The following RAB10 variants were observed in gnomAD, a reference collection of about 807,000 sequenced individuals.
The protein encoded by RAB10 is RAB10, member RAS oncogene family.
In RAB10, 5 loss-of-function variants were observed where a neutral mutation model predicts 25.7. That is an observed-to-expected ratio of 0.19 (90% CI 0.10 to 0.41). The LOEUF is 0.41. RAB10 is among the 10% of genes least tolerant of loss of function. RAB10 has a pLI of 1.00. For missense variants in RAB10, 103 were observed against 245.8 expected (o/e 0.42, Z 3.89); for synonymous variants, 89 against 86.4 (o/e 1.03, Z -0.16).
chr2:26,060,240 C>G (rs975961437), intron 1 of RAB10, among the ~76,000 whole-genome samples: 1 of 152,116 alleles, frequency 6.6e-6, no homozygotes, highest in African/African-American at 2.4e-5. Context: ...GCTTTTATAT[C>G]TATTACTCTT....
chr2:26,069,644 C>T (rs993443976), intron 1 of RAB10, among the ~76,000 whole-genome samples: 14 of 151,504 alleles, frequency 9.2e-5, no homozygotes, highest in African/African-American at 2.2e-4. Flanking sequence ...CCAGTCTGGG[C>T]GGCAGAGCGA....
chr2:26,130,181 T>G (rs1667984655), intron 5 of RAB10, among the ~76,000 whole-genome samples: 1 of 152,218 alleles, frequency 6.6e-6, no homozygotes, highest in African/African-American at 2.4e-5. Flanking sequence ...AAGAATAGTC[T>G]TTCACAATTG....
intron 1 of RAB10, chr2:26,042,817 C>G (rs1665920387): frequency 6.6e-6 from 1 of 151,526 alleles, no homozygotes. Flanking sequence ...GGTATTTCTC[C>G]AAAGAAGCTA....
chr2:26,049,018 T>C (rs1258658621), intron 1 of RAB10, among the ~76,000 whole-genome samples: 1 of 152,194 alleles, frequency 6.6e-6, no homozygotes, highest in Non-Finnish European at 1.5e-5. Context: ...ATCATGCTTT[T>C]GGACTTTCCT....
At chr2:26,064,365 T>C (rs1666469906) in intron 1 of RAB10, among the ~76,000 whole-genome samples, 2 of 152,186 alleles carry the variant, frequency 1.3e-5, no homozygotes, top group African/African-American at 4.8e-5. Context: ...GGGGTCTCAT[T>C]CTGCCACCCA....
chr2:26,131,238 A>G (rs1668007499), intron 5 of RAB10, among the ~76,000 whole-genome samples: 1 of 152,138 alleles, frequency 6.6e-6, no homozygotes, highest in South Asian at 2.1e-4. Flanking sequence ...TGGACCACAT[A>G]TAAAATACAC....
Position 26,044,745 on chromosome 2 carries a change from C to G in RAB10, c.127+10010C>G, listed in dbSNP as rs544776224. Among the ~76,000 whole-genome samples, 8 of 152,000 alleles carry G rather than the reference C, an allele frequency of 5.3e-5. No homozygotes were observed. In the South Asian group the frequency reaches 1.5e-3, roughly 28 times the overall value. Reference sequence around the variant, plus strand: ...ATTTTTAGCAGAGACAGGGTTTCGCCCTGTTGACCAGGCTGGTCTCAAACT... The same window carrying G: ...ATTTTTAGCAGAGACAGGGTTTCGCGCTGTTGACCAGGCTGGTCTCAAACT... On this transcript the variant is annotated intron_variant, in intron 1 of 5. Transcript: ENST00000264710.
chr2:26,043,422 C>T (rs1001481092), intron 1 of RAB10, among the ~76,000 whole-genome samples: 1 of 152,064 alleles, frequency 6.6e-6, no homozygotes, highest in Non-Finnish European at 1.5e-5. Flanking sequence ...GACCCTGTCT[C>T]AAAACAAACA....
At chr2:26,041,471 A>G (rs1292402627) in intron 1 of RAB10, among the ~76,000 whole-genome samples, 3 of 131,118 alleles carry the variant, frequency 2.3e-5, no homozygotes, top group African/African-American at 8.9e-5. Flanking sequence ...TAAACCCGGG[A>G]GGCGGAGGTT....
intron 1 of RAB10, among the ~76,000 whole-genome samples, chr2:26,047,157 A>G (rs985538516): frequency 2.0e-5 from 3 of 152,170 alleles, no homozygotes; most frequent in African/African-American, 7.2e-5. Context: ...CCACCACCAT[A>G]GTCAATATAC....
upstream of RAB10, among the ~76,000 whole-genome samples, chr2:26,033,516 C>A (rs1036889040): frequency 8.5e-5 from 13 of 152,266 alleles, no homozygotes; most frequent in African/African-American, 1.2e-4. Context: ...CCCGTCAGGG[C>A]TGGCCCTGGA....
chr2:26,075,553 A>T (rs1047747764), intron 1 of RAB10, among the ~76,000 whole-genome samples: 1 of 152,216 alleles, frequency 6.6e-6, no homozygotes, highest in Non-Finnish European at 1.5e-5. Flanking sequence ...AAAATTTTTT[A>T]AAAGGAAAAC....
In RAB10 at chr2:26,074,925, C is replaced by CAT. The variant is rs758331629; in HGVS notation, c.128-23733_128-23732dup. ...TGTAAAATGCTTGGAACGGGTCTGG[C>CAT]ATATAGTAAGCACTATAAATGTTAA... On this transcript the variant is annotated intron_variant, in intron 1 of 5. Coordinates refer to ENST00000264710, the MANE Select transcript of RAB10 (RefSeq NM_016131.5). Among the ~76,000 whole-genome samples the CAT allele has an allele frequency of 1.7e-4, 26 of 152,274 alleles. 1 individual carries two copies. In the East Asian group the frequency reaches 4.8e-3, roughly 28 times the overall value.
At chr2:26,051,615 G>A (rs1315852417) in intron 1 of RAB10, among the ~76,000 whole-genome samples, 1 of 150,948 alleles carries the variant, frequency 6.6e-6, no homozygotes, top group African/African-American at 2.4e-5. Flanking sequence ...AAAGCCGGAC[G>A]TGGTGGTGAG....
intron 2 of RAB10, among the ~76,000 whole-genome samples, chr2:26,103,379 AAT>A (rs942146975): frequency 3.3e-5 from 5 of 152,214 alleles, no homozygotes; most frequent in Non-Finnish European, 7.3e-5. Context: ...CAAACTTACG[AAT>A]TTAAAAATGG....
intron 3 of RAB10, among the ~76,000 whole-genome samples, chr2:26,116,648 C>A (rs2149286210): frequency 7.1e-6 from 1 of 140,136 alleles, no homozygotes; most frequent in South Asian, 2.3e-4. Flanking sequence ...GCTCTGCTTC[C>A]TGGGTTCACA....
rs542191827 is a variant in RAB10, at chr2:26,056,698, A to T, written c.127+21963A>T. On this transcript the variant is annotated intron_variant, in intron 1 of 5. Transcript: ENST00000264710. ...GCTAGAGTGTAGTGGTGTGATCATA[A>T]CTCACTGTAACCTTGAACTCTCGGG... is the stretch of plus-strand genomic sequence containing the variant. 4.3e-4 allele frequency among the ~76,000 whole-genome samples: 65 copies of T among 152,158 alleles called. 2 individuals carry two copies. The South Asian group carries it at 0.013, about 30-fold the overall frequency.
intron 1 of RAB10, among the ~76,000 whole-genome samples, chr2:26,061,728 C>G (rs773478212): frequency 5.3e-5 from 8 of 151,794 alleles, no homozygotes; most frequent in Non-Finnish European, 1.2e-4. Flanking sequence ...AAGTAGTCAT[C>G]TCTCTTCACT....
intron 2 of RAB10, among the ~76,000 whole-genome samples, chr2:26,106,662 G>A (rs995148099): frequency 5.9e-5 from 9 of 152,068 alleles, no homozygotes; most frequent in Non-Finnish European, 1.2e-4. Context: ...GAGGCGGGTG[G>A]ATCATCTGAG....
Sources: gnomAD v4.1 joint callset for allele counts (sites outside exome capture counted in the v4.1 genomes callset) on GRCh38, gnomAD v4.1.1 for gene constraint, MANE v1.5 for transcripts, NCBI Gene and HGNC (gene_info 2026-07-23, HGNC 2026-07-21) for gene names.